RIMBP2: variants seen among roughly 807,000 people sequenced by gnomAD.
The protein encoded by RIMBP2 is RIMS binding protein 2.
A neutral mutation model predicts 118.6 loss-of-function variants in RIMBP2; 48 were observed. The observed-to-expected ratio is 0.40, with a 90% CI of 0.32 to 0.51. The LOEUF is 0.51. RIMBP2 is among the 20% of genes least tolerant of loss of function. The probability of loss-of-function intolerance (pLI) is 0.41; values close to 1 mark genes in which losing one functional copy is unlikely to be tolerated. For missense variants in RIMBP2, 1,551 were observed against 1,768.3 expected (o/e 0.88, Z 2.20); for synonymous variants, 762 against 742.9 (o/e 1.03, Z -0.42).
At chr12:130,675,359 C>T (rs542311982) in intron 1 of RIMBP2, among the ~76,000 whole-genome samples, 5 of 152,320 alleles carry the variant, frequency 3.3e-5, no homozygotes, top group African/African-American at 1.2e-4. Context: ...CAGCACTTGT[C>T]CTCATTTGTG....
At chr12:130,713,066 GGAGACTGA>G (rs1190175929) in intron 1 of RIMBP2, among the ~76,000 whole-genome samples, 1 of 150,986 alleles carries the variant, frequency 6.6e-6, no homozygotes, top group African/African-American at 2.4e-5. Context: ...AGGGAGGGAG[GGAGACTGA>G]GAGAAAAGGA....
At chr12:130,647,397 TTAAAACAACAG>T (rs1235293262) in intron 1 of RIMBP2, among the ~76,000 whole-genome samples, 4 of 109,318 alleles carry the variant, frequency 3.7e-5, no homozygotes, top group Admixed American at 9.3e-5. Context: ...TAATAGCAGC[TTAAAACAACAG>T]CCAAGGGAGT....
At position 130,664,415 on chromosome 12, in the gene RIMBP2, A is replaced by ACGCATGCACACACGCACACACACGCACG. The variant is rs1195044326; in HGVS notation, c.-351-35960_-351-35959insCGTGCGTGTGTGTGCGTGTGTGCATGCG. 2.3e-5 allele frequency among the ~76,000 whole-genome samples: 3 copies of ACGCATGCACACACGCACACACACGCACG among 130,496 alleles called. No homozygotes were observed. The Admixed American group carries it at 2.3e-4, about 10-fold the overall frequency. The allele number at this position is 130,496 out of a possible 152,430, so 85.6% of individuals were successfully genotyped here. A position where few individuals can be genotyped will look rare whatever the true frequency, so the allele number is the denominator to read the frequency against. ...CACACACACGCACGCACGCACGCAC[A>ACGCATGCACACACGCACACACACGCACG]CACACGCACACACATGCATGCACGC... On this transcript the variant is annotated intron_variant, in intron 1 of 22. Coordinates refer to ENST00000690449, the MANE Select transcript of RIMBP2 (RefSeq NM_001393629.1).
Position 130,647,933 on chromosome 12 carries a change from C to T in RIMBP2, c.-351-19477G>A, listed in dbSNP as rs963181031. Among the ~76,000 whole-genome samples, 4 of 146,006 alleles carry T rather than the reference C, an allele frequency of 2.7e-5. 1 individual carries two copies. The highest frequency in any genetic ancestry group is 1.9e-4 in the East Asian group (1 of 5,148). ...CCTCTCTTTCTCATGCTGCAAACCT[C>T]GGTGTGGCTGTTTGGCCCGACTGCA... On this transcript the variant is annotated intron_variant, in intron 1 of 22. Coordinates refer to ENST00000690449, the MANE Select transcript of RIMBP2 (RefSeq NM_001393629.1).
chr12:130,517,297 G>A (rs560934616), intron 3 of RIMBP2, among the ~76,000 whole-genome samples: 1 of 152,242 alleles, frequency 6.6e-6, no homozygotes, highest in African/African-American at 2.4e-5. Context: ...ACCCTACAGA[G>A]TCCTCATCAG....
intron 1 of RIMBP2, among the ~76,000 whole-genome samples, chr12:130,667,066 AGGGAGGGAGGAAAAAAT>A (rs2063962826): frequency 1.7e-5 from 1 of 59,048 alleles, no homozygotes; most frequent in African/African-American, 6.1e-5. Flanking sequence ...AAAAGGAAGA[AGGGAGGGAGGAAAAAAT>A]GAGGGAGGGA....
chr12:130,428,293 C>T lies in RIMBP2; in HGVS notation c.2298G>A (p.Arg766=). ...CCATGATGTCTGAGAGGTCAGACCC[C>T]CGGCTGCTCTCTGTGTGGTACTCGT... The part of the protein sequence containing the change: ...HGDEYHTESS[R]GSDLSDIMEE... Residue 766 remains arginine (R), a synonymous_variant, in exon 15 of 23, where the codon CGG becomes CGA. Transcript: ENST00000690449. 6.2e-7 allele frequency: 1 copy of T among 1,612,878 alleles called. No individual in the cohort carries two copies. The highest frequency in any genetic ancestry group is 8.5e-7 in the Non-Finnish European group (1 of 1,179,412).
chr12:130,672,312 C>T (rs1594181289), intron 1 of RIMBP2, among the ~76,000 whole-genome samples: 1 of 152,228 alleles, frequency 6.6e-6, no homozygotes, highest in Non-Finnish European at 1.5e-5. Context: ...TTAAATCACT[C>T]GCTTGGCAGC....
At chr12:130,583,996 A>T (rs540191340) in intron 2 of RIMBP2, among the ~76,000 whole-genome samples, 20 of 148,682 alleles carry the variant, frequency 1.3e-4, no homozygotes, top group Non-Finnish European at 1.6e-4. Flanking sequence ...CGTCACCACC[A>T]TTACATCACC....
At chr12:130,645,291 A>G (rs995444328) in intron 1 of RIMBP2, among the ~76,000 whole-genome samples, 2 of 152,140 alleles carry the variant, frequency 1.3e-5, no homozygotes, top group African/African-American at 2.4e-5. Context: ...GGGTTTCACC[A>G]TGCTGGCCAG....
intron 1 of RIMBP2, among the ~76,000 whole-genome samples, chr12:130,714,880 G>C (rs1022760380): frequency 7.9e-5 from 12 of 152,266 alleles, no homozygotes; most frequent in African/African-American, 2.6e-4. Context: ...AGCCCAGCAA[G>C]GCTGGGAGGG....
In RIMBP2 at chr12:130,438,380, A is replaced by G. The variant is rs939634795; in HGVS notation, c.1641T>C (p.Tyr547=). ...GAAAACTCACCCTCTGCCCTTTGGC[A>G]TACACGCCGTAGCCGGTAACGTTTG... ...NGANVTGYGV[Y]AKGQRVAEVI... The change falls in exon 12 of 23, where the codon TAT becomes TAC. Residue 547 remains tyrosine, a synonymous_variant. Coordinates refer to ENST00000690449, the MANE Select transcript of RIMBP2 (RefSeq NM_001393629.1). 7.4e-7 allele frequency: 1 copy of G among 1,359,264 alleles called. No individual in the cohort carries two copies. Among genetic ancestry groups the G allele is most frequent in the Admixed American group, 1.9e-5 (1 of 51,598 alleles). 84.2% of individuals were successfully genotyped at this position (1,359,264 alleles called of 1,614,324 possible).
intron 3 of RIMBP2, among the ~76,000 whole-genome samples, chr12:130,508,089 C>T (rs767648870): frequency 2.0e-5 from 3 of 152,096 alleles, no homozygotes; most frequent in Non-Finnish European, 4.4e-5. Flanking sequence ...CAAATGCCCC[C>T]GGAGAAAATG....
intron 2 of RIMBP2, among the ~76,000 whole-genome samples, chr12:130,606,354 G>A (rs1278412278): frequency 6.6e-6 from 1 of 152,190 alleles, no homozygotes. Flanking sequence ...CTAACTGCCT[G>A]GGCTAGGCCA....
chr12:130,661,817 G>A (rs1359208522), intron 1 of RIMBP2, among the ~76,000 whole-genome samples: 2 of 152,070 alleles, frequency 1.3e-5, no homozygotes, highest in East Asian at 1.9e-4. Flanking sequence ...CCCAAGCCTC[G>A]CACCTGCAGA....
At chr12:130,438,335 A>ACCGGGGGGCC in intron 12 of RIMBP2, 30 bp downstream of exon 12, 1 of 865,012 alleles carries the variant, frequency 1.2e-6, no homozygotes, top group Non-Finnish European at 1.9e-6. Flanking sequence ...GGCCTAACAA[A>ACCGGGGGGCC]CCCTCCCCAC....
intron 11 of RIMBP2, among the ~76,000 whole-genome samples, chr12:130,439,180 TATGTGTGTA>T (rs1313574239): frequency 7.5e-6 from 1 of 132,456 alleles, no homozygotes; most frequent in African/African-American, 2.5e-5. Flanking sequence ...TGTATGGGTG[TATGTGTGTA>T]ATGTGTGCAT....
intron 1 of RIMBP2, among the ~76,000 whole-genome samples, chr12:130,671,779 A>T (rs966387742): frequency 4.0e-5 from 6 of 151,376 alleles, no homozygotes; most frequent in African/African-American, 1.5e-4. Flanking sequence ...GGGCAAAATC[A>T]TCCGGTTGAG....
intron 9 of RIMBP2, 132 bp from the exon 10 acceptor site, chr12:130,445,401 C>T (rs895862750): frequency 3.6e-5 from 21 of 585,644 alleles, no homozygotes; most frequent in East Asian, 8.9e-5. Context: ...CATAATCGTT[C>T]GGGGCTGATG....
Sources: allele counts gnomAD v4.1 joint callset (sites outside exome capture counted in the v4.1 genomes callset), GRCh38; gene constraint gnomAD v4.1.1; transcripts MANE v1.5; gene names NCBI Gene and HGNC (gene_info 2026-07-23, HGNC 2026-07-21).